SLC52A1: variants seen among roughly 807,000 people sequenced by gnomAD.
SLC52A1 encodes solute carrier family 52, riboflavin transporter, member 1.
SLC52A1 carries 20 observed loss-of-function variants against 23.2 expected under a neutral mutation model. That is an observed-to-expected ratio of 0.86 (90% confidence interval 0.61 to 1.25). The LOEUF (loss-of-function observed/expected upper bound fraction) is 1.25. Among genes scored for constraint, SLC52A1 ranks in the 50% most tolerant of loss-of-function variants. SLC52A1 has a pLI of 0.00. For synonymous variants in SLC52A1, 260 were observed against 256.6 expected (o/e 1.01, Z -0.13); for missense variants, 528 against 557.0 (o/e 0.95, Z 0.52).
At position 5,035,164 on chromosome 17, in the gene SLC52A1, T is replaced by G. The variant is rs1226799858; in HGVS notation, c.-411A>C. 6.5e-6 allele frequency: 1 copy of G among 154,546 alleles called. No individual in the cohort carries two copies. Among genetic ancestry groups the G allele is most frequent in the East Asian group, 1.9e-4 (1 of 5,218 alleles). 9.6% of individuals were successfully genotyped at this position (154,546 alleles called of 1,614,324 possible). A position where few individuals can be genotyped will look rare whatever the true frequency, so the allele number is the denominator to read the frequency against. On this transcript the variant is annotated 5_prime_UTR_variant, in exon 1 of 5. Transcript: ENST00000254853. ...CTCTACTAAAAATACAAAAATTAGC[T>G]GGTCGTGGTGGTGGGTGCCAGTAAT...
At chr17:5,035,823 C>G (rs1050373694), upstream of SLC52A1, among the ~76,000 whole-genome samples, 1 of 150,772 alleles carries the variant, frequency 6.6e-6, no homozygotes, top group African/African-American at 2.4e-5. Context: ...CCTCTCCCCA[C>G]CCCCCCACAA....
At chr17:5,040,963 T>C (rs1299605346) in intron 1 of SLC52A1, among the ~76,000 whole-genome samples, 1 of 151,718 alleles carries the variant, frequency 6.6e-6, no homozygotes, top group African/African-American at 2.4e-5. Flanking sequence ...GCCCAGCTAA[T>C]TTTTTGTATT....
intron 1 of SLC52A1, among the ~76,000 whole-genome samples, chr17:5,041,418 GACT>G (rs1354293441): frequency 3.9e-5 from 6 of 152,022 alleles, no homozygotes; most frequent in Non-Finnish European, 8.8e-5. Context: ...AAGTAGCTGG[GACT>G]ACAGGTGCAC....
chr17:5,042,037 T>TC (rs902785159), intron 1 of SLC52A1, among the ~76,000 whole-genome samples: 1 of 152,110 alleles, frequency 6.6e-6, no homozygotes, highest in East Asian at 1.9e-4. Context: ...TGCCCAGCCG[T>TC]CCAACTTCCA....
At position 5,033,154 on chromosome 17, in the gene SLC52A1, G is replaced by A. The variant is rs1975356402; in HGVS notation, c.1150C>T (p.Leu384=). Residue 384 remains leucine, a synonymous_variant, in exon 5 of 5, where the codon CTG becomes TTG. Transcript: ENST00000254853. ...ACATATGAGAACACACACAGACACA[G>A]CACCCACGACAGCACCTGCAAGGGA... ...GVVLVVLSWV[L]CLCVFSYVKV... 6.2e-7 allele frequency: 1 copy of A among 1,613,544 alleles called. No homozygotes were observed. Among genetic ancestry groups the A allele is most frequent in the South Asian group, 1.1e-5 (1 of 91,082 alleles).
upstream of SLC52A1, among the ~76,000 whole-genome samples, chr17:5,037,737 C>T (rs1053176687): frequency 2.0e-5 from 3 of 152,038 alleles, no homozygotes; most frequent in Admixed American, 6.6e-5. Flanking sequence ...CTAGGATGTA[C>T]GTTTGCGCGG....
upstream of SLC52A1, among the ~76,000 whole-genome samples, chr17:5,039,331 A>G (rs539813514): frequency 1.3e-5 from 2 of 151,414 alleles, no homozygotes; most frequent in Admixed American, 1.3e-4. Flanking sequence ...TCTAAAAAAA[A>G]AAAAAAATTC....
At chr17:5,040,514 G>A (rs898329751) in intron 1 of SLC52A1, among the ~76,000 whole-genome samples, 2 of 152,140 alleles carry the variant, frequency 1.3e-5, no homozygotes, top group African/African-American at 4.8e-5. Flanking sequence ...TAATGCAAAT[G>A]ATAAGATCTG....
chr17:5,038,581 A>G (rs1975504162), upstream of SLC52A1, among the ~76,000 whole-genome samples: 1 of 151,638 alleles, frequency 6.6e-6, no homozygotes, highest in Non-Finnish European at 1.5e-5. Flanking sequence ...CCATTTATCC[A>G]GCACTTTTCT....
chr17:5,037,924 T>A (rs905855305), upstream of SLC52A1, among the ~76,000 whole-genome samples: 5 of 145,124 alleles, frequency 3.4e-5, 1 homozygote, highest in Non-Finnish European at 7.6e-5. Flanking sequence ...CTTTTTTTTT[T>A]TTTTTTTTTT....
Position 5,034,307 on chromosome 17 carries a change from C to T in SLC52A1, c.182G>A (p.Gly61Asp). ...LSVVVALGNL[G>D]LLVVTLWRQL... ...CCTCCACAGGGTCACCACCAGCAGA[C>T]CCAGGTTTCCCAGCGCCACAACCAC... The change falls in exon 3 of 5, where the codon GGT (glycine) becomes GAT (aspartate). Residue 61 changes from glycine (G) to aspartate (D), a missense_variant. Coordinates refer to ENST00000254853, the MANE Select transcript of SLC52A1 (RefSeq NM_017986.4). The T allele has an allele frequency of 6.3e-7, 1 of 1,593,908 alleles. No individual in the cohort carries two copies. Among genetic ancestry groups the T allele is most frequent in the East Asian group, 2.2e-5 (1 of 44,730 alleles).
chr17:5,034,440 C>G (rs973129945), intron 2 of SLC52A1, 37 bp downstream of exon 2: 1 of 1,613,192 alleles, frequency 6.2e-7, no homozygotes, highest in South Asian at 1.1e-5. Flanking sequence ...TCTGGGCATA[C>G]CTGCCCCACG....
chr17:5,034,056 G>GT lies in SLC52A1; in HGVS notation c.432dup (p.Arg145ThrfsTer45), dbSNP rs1567734976. ...AGACCCTGACCCAGGAAGAAAGACC[G>GT]TAAGAAAGGAGGTGGCAGGTGGCTC... On this transcript the variant is annotated frameshift_variant, in exon 3 of 5. Transcript: ENST00000254853. LOFTEE classifies it high-confidence loss of function. 2.5e-6 allele frequency: 4 copies of GT among 1,614,120 alleles called. No homozygotes were observed. In the South Asian group the frequency reaches 4.4e-5, roughly 18 times the overall value.
At chr17:5,038,879 C>T (rs1597881165), upstream of SLC52A1, among the ~76,000 whole-genome samples, 2 of 152,126 alleles carry the variant, frequency 1.3e-5, no homozygotes, top group South Asian at 2.1e-4. Flanking sequence ...TGAGCCACCG[C>T]GCCTGGCCTA....
Position 5,033,261 on chromosome 17 carries a change from C to G in SLC52A1, c.1134G>C (p.Val378=). Residue 378 remains valine, a splice_region_variant and synonymous_variant, in exon 4 of 5, where the codon GTG becomes GTC. Transcript: ENST00000254853. The part of the protein sequence containing the change: ...LVGTTAGVVL[V]VLSWVLCLCV... ...CCACTTCATGTCTCCACTTGCTCAC[C>G]ACAAGGACCACCCCTGCAGTGGTGC... 1 of 1,614,008 alleles carries G rather than the reference C, an allele frequency of 6.2e-7. No individual in the cohort carries two copies. The highest frequency in any genetic ancestry group is 8.5e-7 in the Non-Finnish European group (1 of 1,179,954).
In SLC52A1 at chr17:5,034,092, G is replaced by A. The variant is rs1377867113; in HGVS notation, c.397C>T (p.Leu133=). 2.5e-6 allele frequency: 4 copies of A among 1,614,198 alleles called. No individual in the cohort carries two copies. Among genetic ancestry groups the A allele is most frequent in the Admixed American group, 1.7e-5 (1 of 60,020 alleles). ...MACCTSNVTF[L]PFLSHLPPPF... ...GGTGGCAGGTGGCTCAGGAAGGGCA[G>A]GAAAGTGACATTAGAGGTACAACAG... The change falls in exon 3 of 5, where the codon CTG becomes TTG. Residue 133 remains leucine (L), a synonymous_variant. Coordinates refer to ENST00000254853, the MANE Select transcript of SLC52A1 (RefSeq NM_017986.4).
chr17:5,034,781 C>T (rs936834817), intron 1 of SLC52A1, 68 bp from the exon 2 acceptor site: 9 of 681,554 alleles, frequency 1.3e-5, no homozygotes, highest in East Asian at 4.7e-5. Context: ...GAAGACAAGT[C>T]GGTCAGACTG....
At chr17:5,036,231 T>C (rs1567736307), upstream of SLC52A1, among the ~76,000 whole-genome samples, 2 of 150,792 alleles carry the variant, frequency 1.3e-5, no homozygotes, top group African/African-American at 4.9e-5. Context: ...GGTCTCGCCA[T>C]GTTAGCTAGG....
chr17:5,033,172 G>T lies in SLC52A1; in HGVS notation c.1135-3C>A. Reference sequence around the variant, plus strand: ...AGACACAGCACCCACGACAGCACCTGCAAGGGAGGACACAGCAGCAGGCTG... The same window carrying T: ...AGACACAGCACCCACGACAGCACCTTCAAGGGAGGACACAGCAGCAGGCTG... On this transcript the variant is annotated splice_region_variant and splice_polypyrimidine_tract_variant and intron_variant, in intron 4 of 4. Coordinates refer to ENST00000254853, the MANE Select transcript of SLC52A1 (RefSeq NM_017986.4). The T allele has an allele frequency of 6.2e-7, 1 of 1,613,822 alleles. No homozygotes were observed. Among genetic ancestry groups the T allele is most frequent in the South Asian group, 1.1e-5 (1 of 91,072 alleles).
Sources: gnomAD v4.1 joint callset for allele counts (sites outside exome capture counted in the v4.1 genomes callset) on GRCh38, gnomAD v4.1.1 for gene constraint, MANE v1.5 for transcripts, NCBI Gene and HGNC (gene_info 2026-07-23, HGNC 2026-07-21) for gene names.